Variants in CDYL observed in about 807,000 individuals in gnomAD.
The protein encoded by CDYL is chromodomain Y-like protein.
A neutral mutation model predicts 47.3 loss-of-function variants in CDYL; 8 were observed. That is an observed-to-expected ratio of 0.17 (90% CI 0.10 to 0.31). CDYL has a LOEUF of 0.31. Among genes scored for constraint, CDYL ranks in the 10% least tolerant of loss-of-function variants. The pLI is 1.00. For missense variants in CDYL, 471 were observed against 701.4 expected (o/e 0.67, Z 3.71); for synonymous variants, 266 against 265.0 (o/e 1.00, Z -0.04).
intron 3 of CDYL, chr6:4,734,930 C>T: frequency 6.4e-7 from 1 of 1,564,682 alleles, no homozygotes; most frequent in Admixed American, 1.9e-5. Context: ...ACCACACTCT[C>T]CCTTTACATC....
chr6:4,707,924 G>A (rs771685954), intron 1 of CDYL, among the ~76,000 whole-genome samples: 2 of 150,708 alleles, frequency 1.3e-5, no homozygotes, highest in African/African-American at 2.5e-5. Context: ...TAGTCCAAAT[G>A]TTATTTAATA....
chr6:4,789,165 T>C (rs1163817332), intron 1 of CDYL, among the ~76,000 whole-genome samples: 2 of 152,190 alleles, frequency 1.3e-5, no homozygotes, highest in Non-Finnish European at 2.9e-5. Context: ...AGCCTCTGTC[T>C]CCTGGGCTCA....
chr6:4,767,204 G>T (rs1014352404), intron 3 of CDYL, among the ~76,000 whole-genome samples: 1 of 151,580 alleles, frequency 6.6e-6, no homozygotes, highest in Non-Finnish European at 1.5e-5. Context: ...CAAAATGAAG[G>T]AATAAAATCA....
intron 1 of CDYL, among the ~76,000 whole-genome samples, chr6:4,869,386 G>A (rs1002979601): frequency 2.6e-5 from 4 of 152,104 alleles, no homozygotes; most frequent in South Asian, 2.1e-4. Context: ...GTGAGCCACC[G>A]TGCCTGGCCT....
At chr6:4,829,893 A>T (rs11967447) in intron 1 of CDYL, among the ~76,000 whole-genome samples, 1 of 152,252 alleles carries the variant, frequency 6.6e-6, no homozygotes, top group African/African-American at 2.4e-5. Context: ...AGGGAGGCAC[A>T]GCAAGTACAA....
chr6:4,890,733 C>T (rs564924174), intron 1 of CDYL, among the ~76,000 whole-genome samples: 126 of 152,316 alleles, frequency 8.3e-4, no homozygotes, highest in African/African-American at 2.9e-3. Context: ...TACTGACGTT[C>T]TTAATAATTG....
intron 1 of CDYL, among the ~76,000 whole-genome samples, chr6:4,822,869 A>G (rs1205419924): frequency 1.3e-5 from 2 of 152,226 alleles, no homozygotes; most frequent in Non-Finnish European, 2.9e-5. Context: ...TGTGCTCACA[A>G]GGGAATTTCT....
intron 2 of CDYL, among the ~76,000 whole-genome samples, chr6:4,932,560 G>T (rs962477981): frequency 1.3e-5 from 2 of 152,202 alleles, no homozygotes; most frequent in African/African-American, 2.4e-5. Flanking sequence ...TGCTTTTTGT[G>T]CTTGGATATA....
At chr6:4,711,620 G>C (rs76484896) in intron 1 of CDYL, among the ~76,000 whole-genome samples, 1,693 of 152,268 alleles carry the variant, frequency 0.011, 15 homozygotes, top group Non-Finnish European at 0.018. Context: ...TGTGAGGGAG[G>C]GGGGAGGAGG....
In CDYL at chr6:4,723,962, AAG is replaced by A. The variant is rs566401191; in HGVS notation, c.103+8087_103+8088del. On this transcript the variant is annotated intron_variant, in intron 2 of 8. Transcript: ENST00000328908. ...AGAATGAATGAGCCCTGGGGATTAA[AAG>A]AGAGATTTATGTATCCGTGAAATTA... Among the ~76,000 whole-genome samples, 696 of 152,310 alleles carry A rather than the reference AAG, an allele frequency of 4.6e-3. 8 individuals carry two copies. Among genetic ancestry groups the A allele is most frequent in the African/African-American group, 0.015 (636 of 41,580 alleles).
chr6:4,895,821 A>G (rs1354071493), intron 2 of CDYL, among the ~76,000 whole-genome samples: 1 of 152,234 alleles, frequency 6.6e-6, no homozygotes, highest in Non-Finnish European at 1.5e-5. Context: ...AAGGAAGATA[A>G]TAATAGCTTC....
intron 3 of CDYL, among the ~76,000 whole-genome samples, chr6:4,748,305 T>C (rs1306418365): frequency 6.6e-6 from 1 of 152,002 alleles, no homozygotes; most frequent in Non-Finnish European, 1.5e-5. Flanking sequence ...GGAAGACTGC[T>C]TGAGGCCAGG....
At chr6:4,783,865 A>G (rs1326684568) in intron 1 of CDYL, among the ~76,000 whole-genome samples, 1 of 152,124 alleles carries the variant, frequency 6.6e-6, no homozygotes, top group Non-Finnish European at 1.5e-5. Flanking sequence ...TTAGGTGGGT[A>G]TATGTTGTGC....
chr6:4,771,922 T>C (rs1309388509), upstream of CDYL, among the ~76,000 whole-genome samples: 1 of 152,254 alleles, frequency 6.6e-6, no homozygotes, highest in African/African-American at 2.4e-5. Flanking sequence ...ATTTCCTCTT[T>C]ATGATTTTTG....
intron 1 of CDYL, among the ~76,000 whole-genome samples, chr6:4,873,817 C>T (rs953107314): frequency 3.3e-5 from 5 of 152,166 alleles, no homozygotes; most frequent in Non-Finnish European, 4.4e-5. Context: ...GGTTTGAAAC[C>T]GCCAAGTAGG....
intron 3 of CDYL, among the ~76,000 whole-genome samples, chr6:4,740,692 A>C (rs78424715): frequency 0.068 from 10,376 of 152,156 alleles, 477 homozygotes; most frequent in East Asian, 0.16. Flanking sequence ...TGTGGGTGAT[A>C]GAGCTGCTTC....
chr6:4,937,271 A>G (rs549233993), intron 3 of CDYL, among the ~76,000 whole-genome samples: 1 of 152,258 alleles, frequency 6.6e-6, no homozygotes, highest in African/African-American at 2.4e-5. Flanking sequence ...AGGCGGGAGG[A>G]TTGTTTGAGC....
At chr6:4,921,078 G>A (rs186566601) in intron 2 of CDYL, among the ~76,000 whole-genome samples, 1 of 152,188 alleles carries the variant, frequency 6.6e-6, no homozygotes, top group African/African-American at 2.4e-5. Flanking sequence ...CTGGAAAATG[G>A]TGGTCTTCAA....
At chr6:4,761,971 G>A (rs1758181902) in intron 3 of CDYL, among the ~76,000 whole-genome samples, 1 of 152,196 alleles carries the variant, frequency 6.6e-6, no homozygotes, top group African/African-American at 2.4e-5. Flanking sequence ...CTGAGCTAGG[G>A]TGGGGAAGCT....
Sources: gnomAD v4.1 joint callset for allele counts (sites outside exome capture counted in the v4.1 genomes callset) on GRCh38, gnomAD v4.1.1 for gene constraint, MANE v1.5 for transcripts, NCBI Gene and HGNC (gene_info 2026-07-23, HGNC 2026-07-21) for gene names.